The following AGAP4 variants were observed in gnomAD, a reference collection of about 807,000 sequenced individuals.
AGAP4 encodes ArfGAP with GTPase domain, ankyrin repeat and PH domain 4, also known as arf-GAP with GTPase, ANK repeat and PH domain-containing protein 4.
AGAP4 carries 13 observed loss-of-function variants against 60.7 expected under a neutral mutation model. The observed-to-expected ratio is 0.21, with a 90% CI of 0.14 to 0.34. The LOEUF is 0.34. Among genes scored for constraint, AGAP4 ranks in the 10% least tolerant of loss-of-function variants. The pLI is 1.00. For missense variants in AGAP4, 169 were observed against 884.0 expected, an observed-to-expected ratio of 0.19 and a Z score of 10.26; for synonymous variants, 70 against 339.0, an observed-to-expected ratio of 0.21 and a Z score of 8.72.
At chr10:45,837,717 C>T (rs1193143078) in intron 4 of AGAP4, among the ~76,000 whole-genome samples, 2 of 151,584 alleles carry the variant, frequency 1.3e-5, no homozygotes, top group African/African-American at 4.8e-5. Flanking sequence ...CAAAAATCAA[C>T]TCAAGATGGA....
chr10:45,847,981 A>T (rs4042867), upstream of AGAP4: 52 of 1,015,840 alleles, frequency 5.1e-5, no homozygotes, highest in Non-Finnish European at 6.0e-5. Context: ...GTAGTTCATT[A>T]CTTGAAGCCA....
chr10:45,850,209 G>C (rs2437381), upstream of AGAP4, among the ~76,000 whole-genome samples: 4 of 140,980 alleles, frequency 2.8e-5, no homozygotes, highest in Non-Finnish European at 4.7e-5. Flanking sequence ...GATTGCAGGC[G>C]TGAGCCACCA....
chr10:45,852,217 TA>T (rs781889843), upstream of AGAP4, among the ~76,000 whole-genome samples: 254 of 91,708 alleles, frequency 2.8e-3, no homozygotes, highest in African/African-American at 5.4e-3. Flanking sequence ...GGCCAGACTT[TA>T]AAAAAAAAAA....
At chr10:45,847,958 AG>A (rs1274240109), upstream of AGAP4, 5 of 1,039,458 alleles carry the variant, frequency 4.8e-6, no homozygotes, top group African/African-American at 8.5e-5. Flanking sequence ...TTTAGTCCTA[AG>A]AAAAGCAAAG....
At chr10:45,852,464 A>G (rs1453932116), upstream of AGAP4, among the ~76,000 whole-genome samples, 11 of 149,068 alleles carry the variant, frequency 7.4e-5, no homozygotes, top group Non-Finnish European at 1.3e-4. Context: ...GTTAAAAGAA[A>G]TAACAGCAGG....
intron 2 of AGAP4, among the ~76,000 whole-genome samples, chr10:45,846,413 A>T (rs1470715831): frequency 0.023 from 3,445 of 147,752 alleles, 132 homozygotes; most frequent in African/African-American, 0.08. Flanking sequence ...AGCCTCTCCC[A>T]TGGCAAACTC....
chr10:45,849,013 G>A (rs1349797459), upstream of AGAP4: 3 of 149,550 alleles, frequency 2.0e-5, no homozygotes, highest in Non-Finnish European at 3.0e-5. Flanking sequence ...ATCAACTGAG[G>A]TCAGGAGTTT....
In AGAP4 at chr10:45,831,405, A is replaced by G; in HGVS notation, c.522T>C (p.His174=). ...TCTAAAAAGCTCACCTTTGTGTGAT[A>G]TGATGAGGTATCTCCAAGGTCACAC... ...IISVTLEIPH[H]ITQRDADRSL... is the part of the protein sequence containing the mutation. The change falls in exon 6 of 8, where the codon CAT becomes CAC. Residue 174 remains histidine (H), a synonymous_variant. Transcript: ENST00000616763. 1.3e-6 allele frequency: 2 copies of G among 1,586,890 alleles called. No individual in the cohort carries two copies. Among genetic ancestry groups the G allele is most frequent in the East Asian group, 4.5e-5 (2 of 44,700 alleles).
intron 4 of AGAP4, among the ~76,000 whole-genome samples, chr10:45,839,932 C>G (rs2058889944): frequency 6.8e-6 from 1 of 148,110 alleles, no homozygotes; most frequent in Non-Finnish European, 1.5e-5. Context: ...AATAAAAAGA[C>G]AAACTGAAAA....
rs1400687577 is a variant in AGAP4 at position 45,838,158 on chromosome 10, G to A, written c.396+3495C>T. Among the ~76,000 whole-genome samples the A allele has an allele frequency of 5.3e-5, 8 of 150,080 alleles. No homozygotes were observed. In the East Asian group the frequency reaches 1.6e-3, roughly 29 times the overall value. The stretch of plus-strand genomic sequence containing the variant: ...CATGGCATTCCCAGCAACCTGGATG[G>A]AAGTAAGACTATTATTCTAAGTGAA... On this transcript the variant is annotated intron_variant, in intron 4 of 7. Transcript: ENST00000616763.
Position 45,846,276 on chromosome 10 carries a change from C to T in AGAP4, c.292+411G>A, listed in dbSNP as rs1240073875. ...TTCTGCAGCCCCGGCTGTGACATTTCACACCTTTCACAATTATTTTAAGCA... is the reference window on the plus strand; with the variant it reads ...TTCTGCAGCCCCGGCTGTGACATTTTACACCTTTCACAATTATTTTAAGCA... On this transcript the variant is annotated intron_variant, in intron 2 of 7. Coordinates refer to ENST00000616763, the MANE Select transcript of AGAP4 (RefSeq NM_001276343.3). 4.0e-5 allele frequency among the ~76,000 whole-genome samples: 6 copies of T among 150,718 alleles called. No homozygotes were observed. In the East Asian group the frequency reaches 8.0e-4, roughly 20 times the overall value.
chr10:45,852,203 A>C (rs2059091845), upstream of AGAP4, among the ~76,000 whole-genome samples: 3 of 130,148 alleles, frequency 2.3e-5, no homozygotes, highest in African/African-American at 3.0e-5. Context: ...GAGCCACTGC[A>C]CCCGGCCAGA....
chr10:45,851,365 C>T (rs1349424054), upstream of AGAP4, among the ~76,000 whole-genome samples: 31 of 151,728 alleles, frequency 2.0e-4, no homozygotes, highest in South Asian at 8.5e-4. Context: ...TCTATAACAG[C>T]AGCACCTAGC....
At chr10:45,843,280 G>C (rs1437552519) in intron 3 of AGAP4, among the ~76,000 whole-genome samples, 1 of 35,462 alleles carries the variant, frequency 2.8e-5, no homozygotes. Context: ...CTGGGCAACA[G>C]AGTGAGACTC....
intron 5 of AGAP4, among the ~76,000 whole-genome samples, chr10:45,831,728 C>A (rs1450446401): frequency 8.8e-6 from 1 of 113,402 alleles, no homozygotes. Context: ...TCGTCCCATG[C>A]GATTTATTTT....
At chr10:45,851,223 A>G (rs1365128472), upstream of AGAP4, among the ~76,000 whole-genome samples, 1 of 152,062 alleles carries the variant, frequency 6.6e-6, no homozygotes, top group African/African-American at 2.4e-5. Context: ...GAAGACCTGG[A>G]GAATAGGGTG....
At chr10:45,848,678 A>T (rs1176933401), upstream of AGAP4, among the ~76,000 whole-genome samples, 1 of 152,102 alleles carries the variant, frequency 6.6e-6, no homozygotes, top group Non-Finnish European at 1.5e-5. Flanking sequence ...CTTAAGCATG[A>T]TTATCAGAAA....
At chr10:45,850,105 T>A (rs1277053217), upstream of AGAP4, among the ~76,000 whole-genome samples, 6 of 122,990 alleles carry the variant, frequency 4.9e-5, no homozygotes, top group Non-Finnish European at 9.0e-5. Context: ...AATGTTTGTA[T>A]TTTAGTAGAG....
intron 4 of AGAP4, among the ~76,000 whole-genome samples, chr10:45,838,711 A>G (rs1466079135): frequency 8.6e-5 from 13 of 151,546 alleles, no homozygotes; most frequent in African/African-American, 3.1e-4. Flanking sequence ...GGTAATACGA[A>G]AGGCGCATGC....
Sources: allele counts gnomAD v4.1 joint callset (sites outside exome capture counted in the v4.1 genomes callset), GRCh38; gene constraint gnomAD v4.1.1; transcripts MANE v1.5; gene names NCBI Gene and HGNC (gene_info 2026-07-23, HGNC 2026-07-21).